Variants in FUBP1 observed in about 807,000 individuals in gnomAD.
FUBP1 encodes far upstream element binding protein 1.
Under a neutral mutation model 94.9 loss-of-function variants are expected in FUBP1, and 16 were observed. The ratio of observed to expected loss-of-function variants is 0.17; its 90% CI spans 0.11 to 0.26. The LOEUF is 0.26. Ranked by LOEUF, FUBP1 falls within the 10% of genes least tolerant of loss-of-function variation. The pLI is 1.00. For missense variants in FUBP1, 583 were observed against 808.6 expected (o/e 0.72, Z 3.38); for synonymous variants, 279 against 254.9 (o/e 1.09, Z -0.90).
intron 1 of FUBP1, 77 bp downstream of exon 1, chr1:77,978,808 C>T (rs1659272272): frequency 6.4e-7 from 1 of 1,569,446 alleles, no homozygotes; most frequent in Non-Finnish European, 8.8e-7. Flanking sequence ...TCCTCATGCG[C>T]TTAAGGGTAG....
intron 10 of FUBP1, 143 bp from the exon 11 acceptor site, chr1:77,964,499 G>A (rs1433055786): frequency 9.0e-6 from 6 of 664,384 alleles, no homozygotes; most frequent in African/African-American, 7.3e-5. Context: ...AGTAAATAGG[G>A]TAACAAGATA....
chr1:77,960,094 T>C, intron 16 of FUBP1, 90 bp downstream of exon 16: 1 of 923,556 alleles, frequency 1.1e-6, no homozygotes, highest in Non-Finnish European at 1.7e-6. Context: ...AGGTGATGCA[T>C]ACAAATGTAG....
chr1:77,963,037 C>T, intron 13 of FUBP1, 107 bp from the exon 14 acceptor site: 1 of 671,910 alleles, frequency 1.5e-6, no homozygotes, highest in Non-Finnish European at 2.5e-6. Flanking sequence ...ATGGTTTGGT[C>T]AGTATCCTAA....
At chr1:77,951,394 A>T (rs1173431110) in intron 18 of FUBP1, among the ~76,000 whole-genome samples, 4 of 152,260 alleles carry the variant, frequency 2.6e-5, no homozygotes, top group Non-Finnish European at 1.5e-5. Context: ...CTCCAATCTT[A>T]AAAGATGTTC....
intron 2 of FUBP1, 111 bp from the exon 3 acceptor site, chr1:77,968,314 G>T: frequency 2.9e-6 from 2 of 678,400 alleles, no homozygotes; most frequent in Non-Finnish European, 2.4e-6. Flanking sequence ...TGAAGGTATG[G>T]TTTATCATTT....
At chr1:77,975,697 A>G (rs1324612718) in intron 1 of FUBP1, among the ~76,000 whole-genome samples, 1 of 152,218 alleles carries the variant, frequency 6.6e-6, no homozygotes, top group Non-Finnish European at 1.5e-5. Flanking sequence ...TGCTATTAGT[A>G]CCACTGCTAA....
At chr1:77,979,318 A>C, upstream of FUBP1, 1 of 342,316 alleles carries the variant, frequency 2.9e-6, no homozygotes, top group Non-Finnish European at 5.5e-6. Context: ...TTGTTCCTGC[A>C]GGGTGGTGGG....
chr1:77,963,090 T>C (rs1571298328), intron 13 of FUBP1, among the ~76,000 whole-genome samples, 160 bp from the exon 14 acceptor site: 1 of 152,206 alleles, frequency 6.6e-6, no homozygotes, highest in South Asian at 2.1e-4. Context: ...TATTCTACAC[T>C]GAAAATCAAA....
At chr1:77,966,268 G>C (rs1389457008) in intron 7 of FUBP1, among the ~76,000 whole-genome samples, 2 of 152,168 alleles carry the variant, frequency 1.3e-5, no homozygotes, top group African/African-American at 4.8e-5. Flanking sequence ...GGGAGAGCGT[G>C]GGGTTAGATG....
chr1:77,979,080 C>CGGCCT, upstream of FUBP1: 1 of 1,396,522 alleles, frequency 7.2e-7, no homozygotes, highest in Non-Finnish European at 9.6e-7. Context: ...AAGAAAATGG[C>CGGCCT]GGCCGTCGAA....
rs565813570 is a variant in FUBP1 at position 77,969,135 on chromosome 1, T to C, written c.211+790A>G. 6 of 669,902 alleles carry C rather than the reference T, an allele frequency of 9.0e-6. No homozygotes were observed. The African/African-American group carries it at 1.1e-4, about 13-fold the overall frequency. 41.5% of individuals were successfully genotyped at this position (669,902 alleles called of 1,614,324 possible). The stretch of plus-strand genomic sequence containing the variant: ...TTACATACAACATCTGAAGCATCAT[T>C]AGCTCATTTTTTTTCTACATTAAAA... On this transcript the variant is annotated intron_variant, in intron 2 of 19. Transcript: ENST00000370768.
At chr1:77,961,389 G>A (rs1291537545) in intron 14 of FUBP1, among the ~76,000 whole-genome samples, 2 of 152,114 alleles carry the variant, frequency 1.3e-5, no homozygotes, top group African/African-American at 4.8e-5. Context: ...TCCAATTGCT[G>A]TCATCTCTCA....
At position 77,945,751 on chromosome 1, in the gene FUBP1, A is replaced by AT; in HGVS notation, c.*3014dup. 4.7e-6 allele frequency: 1 copy of AT among 213,418 alleles called. No homozygotes were observed. Among genetic ancestry groups the AT allele is most frequent in the Admixed American group, 5.8e-5 (1 of 17,128 alleles). 13.2% of individuals were successfully genotyped at this position (213,418 alleles called of 1,614,324 possible). A position where few individuals can be genotyped will look rare whatever the true frequency, so the allele number is the denominator to read the frequency against. On this transcript the variant is annotated 3_prime_UTR_variant, in exon 20 of 20. Transcript: ENST00000370768. ...TTTAGAAATCGAATAAACAAAACTG[A>AT]TAAGATGCTGCTTTCATACATTCAA...
chr1:77,977,534 C>A (rs1658893405), intron 1 of FUBP1, among the ~76,000 whole-genome samples: 2 of 152,090 alleles, frequency 1.3e-5, no homozygotes, highest in African/African-American at 4.8e-5. Context: ...TCAAACAAAA[C>A]AAAACAAAAC....
At chr1:77,958,122 T>C (rs1436781399) in intron 16 of FUBP1, among the ~76,000 whole-genome samples, 1 of 152,148 alleles carries the variant, frequency 6.6e-6, no homozygotes, top group Non-Finnish European at 1.5e-5. Context: ...GAAATCTAGG[T>C]ATTTCACTTT....
chr1:77,976,108 A>T (rs1418676577), intron 1 of FUBP1, among the ~76,000 whole-genome samples: 1 of 152,236 alleles, frequency 6.6e-6, no homozygotes, highest in African/African-American at 2.4e-5. Flanking sequence ...CAAAAACAGC[A>T]TAGTATTCTA....
intron 4 of FUBP1, 69 bp from the exon 5 acceptor site, chr1:77,967,170 T>A: frequency 9.7e-7 from 1 of 1,032,588 alleles, no homozygotes; most frequent in Non-Finnish European, 1.4e-6. Flanking sequence ...AAAGATAATC[T>A]ATTAATAAAA....
At position 77,969,107 on chromosome 1, in the gene FUBP1, A is replaced by G. The variant is rs142005978; in HGVS notation, c.211+818T>C. The G allele has an allele frequency of 7.0e-4, 710 of 1,010,848 alleles. 6 individuals are homozygous for G. The East Asian group carries it at 0.024, about 34-fold the overall frequency. The allele number at this position is 1,010,848 out of a possible 1,614,324, so 62.6% of individuals were successfully genotyped here. A position where few individuals can be genotyped will look rare whatever the true frequency, so the allele number is the denominator to read the frequency against. On this transcript the variant is annotated intron_variant, in intron 2 of 19. Coordinates refer to ENST00000370768, the MANE Select transcript of FUBP1 (RefSeq NM_003902.5). The stretch of plus-strand genomic sequence containing the variant: ...CATCTACACATAAAATAAAAAGAAT[A>G]CATTACATACAACATCTGAAGCATC...
chr1:77,969,923 AC>A lies in FUBP1; in HGVS notation c.211+1del. 1 of 1,365,134 alleles carries A rather than the reference AC, an allele frequency of 7.3e-7. No homozygotes were observed. Among genetic ancestry groups the A allele is most frequent in the Admixed American group, 1.8e-5 (1 of 56,704 alleles). The allele number at this position is 1,365,134 out of a possible 1,614,324, so 84.6% of individuals were successfully genotyped here. On this transcript the variant is annotated splice_donor_variant, in intron 2 of 19. Coordinates refer to ENST00000370768, the MANE Select transcript of FUBP1 (RefSeq NM_003902.5). LOFTEE classifies it high-confidence loss of function. Reference sequence around the variant, plus strand: ...ATTTAAAATACTTAGAGTATAACTTACCTCCATCTTCTAAAGGTCTTTTTTG... The same window carrying A: ...ATTTAAAATACTTAGAGTATAACTTACTCCATCTTCTAAAGGTCTTTTTTG...
Sources: gnomAD v4.1 joint callset for allele counts (sites outside exome capture counted in the v4.1 genomes callset) on GRCh38, gnomAD v4.1.1 for gene constraint, MANE v1.5 for transcripts, NCBI Gene and HGNC (gene_info 2026-07-23, HGNC 2026-07-21) for gene names.